The following STPG2 variants were observed in gnomAD, a reference collection of about 807,000 sequenced individuals.
STPG2 encodes sperm tail PG-rich repeat containing 2, also known as sperm-tail PG-rich repeat-containing protein 2.
STPG2 carries 56 observed loss-of-function variants against 54.2 expected under a neutral mutation model. The observed-to-expected ratio is 1.03, with a 90% CI of 0.83 to 1.29. The LOEUF (loss-of-function observed/expected upper bound fraction) is 1.29. Ranked by LOEUF, STPG2 falls within the 50% of genes most tolerant of loss-of-function variation. The probability of loss-of-function intolerance (pLI) is 0.00; values close to 1 mark genes in which losing one functional copy is unlikely to be tolerated. For synonymous variants in STPG2, 200 were observed against 181.8 expected (o/e 1.10, Z -0.81); for missense variants, 596 against 544.9 (o/e 1.09, Z -0.93).
intron 2 of STPG2, among the ~76,000 whole-genome samples, chr4:98,129,559 A>G (rs1739926726): frequency 6.6e-6 from 1 of 152,160 alleles, no homozygotes; most frequent in South Asian, 2.1e-4. Flanking sequence ...AAATTAACAG[A>G]AAATTAATGT....
chr4:97,798,636 G>T lies in STPG2; in HGVS notation c.1204+42137C>A, dbSNP rs1727282775. ...TCAATTTTGGAATAAGTGTGATGTG[G>T]TGCTGAGAAGAATGTATATTCTGTT... On this transcript the variant is annotated intron_variant, in intron 9 of 10. Coordinates refer to ENST00000295268, the MANE Select transcript of STPG2 (RefSeq NM_174952.3). Among the ~76,000 whole-genome samples the T allele has an allele frequency of 1.1e-4, 16 of 139,292 alleles. No individual in the cohort carries two copies. In the South Asian group the frequency reaches 4.1e-3, roughly 36 times the overall value. The allele number at this position is 139,292 out of a possible 152,430, so 91.4% of individuals were successfully genotyped here.
intron 8 of STPG2, chr4:97,893,231 G>A (rs550064432): frequency 6.6e-6 from 1 of 152,002 alleles, no homozygotes; most frequent in Non-Finnish European, 1.5e-5. Context: ...AGGAGGATGA[G>A]TGGGATTATA....
chr4:98,089,649 A>G (rs928790620), intron 5 of STPG2, among the ~76,000 whole-genome samples: 1 of 151,238 alleles, frequency 6.6e-6, no homozygotes, highest in African/African-American at 2.4e-5. Flanking sequence ...CAATGGTTGT[A>G]CTAATTTACA....
At chr4:97,733,442 G>A (rs1430830332) in intron 9 of STPG2, among the ~76,000 whole-genome samples, 1 of 152,016 alleles carries the variant, frequency 6.6e-6, no homozygotes, top group East Asian at 1.9e-4. Flanking sequence ...GTAGAAGGGG[G>A]AGGGTGGGAG....
chr4:97,540,449 C>T (rs914805572), intron 4 of STPG2, among the ~76,000 whole-genome samples: 7 of 152,202 alleles, frequency 4.6e-5, no homozygotes, highest in Non-Finnish European at 1.0e-4. Context: ...TCTGAATAGA[C>T]CAATAACAGG....
At chr4:97,705,646 G>T (rs1462398988) in intron 10 of STPG2, among the ~76,000 whole-genome samples, 1 of 151,524 alleles carries the variant, frequency 6.6e-6, no homozygotes, top group Non-Finnish European at 1.5e-5. Flanking sequence ...TAAAGTGCTG[G>T]GATTACAGGT....
At chr4:97,953,678 A>G (rs914649694) in intron 7 of STPG2, among the ~76,000 whole-genome samples, 2 of 152,192 alleles carry the variant, frequency 1.3e-5, no homozygotes, top group African/African-American at 4.8e-5. Flanking sequence ...AGCACTGGGT[A>G]GAGTTAAGGT....
At chr4:98,005,474 G>A (rs925720344) in intron 5 of STPG2, among the ~76,000 whole-genome samples, 8 of 152,094 alleles carry the variant, frequency 5.3e-5, no homozygotes, top group Admixed American at 4.6e-4. Context: ...TCTGGATCTT[G>A]AAAAAACGTT....
intron 9 of STPG2, among the ~76,000 whole-genome samples, chr4:97,792,397 T>C (rs1261136598): frequency 2.0e-5 from 3 of 152,132 alleles, no homozygotes; most frequent in African/African-American, 4.8e-5. Context: ...ATCAGAACCA[T>C]TGGCATATAC....
At chr4:97,924,386 G>A (rs932324006) in intron 8 of STPG2, among the ~76,000 whole-genome samples, 4 of 152,300 alleles carry the variant, frequency 2.6e-5, no homozygotes, top group Non-Finnish European at 5.9e-5. Context: ...AATACAATAG[G>A]ACTTTTGTCT....
chr4:97,778,042 G>T (rs368450811), intron 9 of STPG2, among the ~76,000 whole-genome samples: 1 of 152,104 alleles, frequency 6.6e-6, no homozygotes, highest in East Asian at 1.9e-4. Context: ...GGTTCATCTC[G>T]CTGGGGTTCG....
At chr4:97,970,024 C>A (rs1487034785) in intron 7 of STPG2, among the ~76,000 whole-genome samples, 1 of 152,152 alleles carries the variant, frequency 6.6e-6, no homozygotes, top group Non-Finnish European at 1.5e-5. Flanking sequence ...AACAGACAAA[C>A]AGAGAGCCCA....
intron 9 of STPG2, among the ~76,000 whole-genome samples, chr4:97,747,124 G>T (rs1337020968): frequency 3.3e-5 from 5 of 151,336 alleles, no homozygotes; most frequent in East Asian, 1.9e-4. Flanking sequence ...ATGGAAAAGA[G>T]AGTATTTAGC....
At chr4:97,949,690 A>T (rs2149238485) in intron 7 of STPG2, among the ~76,000 whole-genome samples, 1 of 152,306 alleles carries the variant, frequency 6.6e-6, no homozygotes, top group Non-Finnish European at 1.5e-5. Flanking sequence ...TATCCTATTT[A>T]AAGAGGCTAA....
At chr4:97,906,219 C>T (rs1172309817) in intron 8 of STPG2, among the ~76,000 whole-genome samples, 1 of 152,176 alleles carries the variant, frequency 6.6e-6, no homozygotes, top group Non-Finnish European at 1.5e-5. Context: ...AAACTACTAT[C>T]AGAGAATACT....
chr4:98,033,372 C>T (rs986022663), intron 5 of STPG2, among the ~76,000 whole-genome samples: 9 of 151,704 alleles, frequency 5.9e-5, no homozygotes, highest in South Asian at 2.1e-4. Flanking sequence ...GATAAATTTC[C>T]GGACACATAC....
chr4:97,983,722 G>A (rs1291094543), intron 5 of STPG2, among the ~76,000 whole-genome samples: 1 of 152,094 alleles, frequency 6.6e-6, no homozygotes, highest in Non-Finnish European at 1.5e-5. Context: ...CAAGATCTGG[G>A]CACTTGATGT....
At chr4:97,951,938 G>A (rs1733488625) in intron 7 of STPG2, among the ~76,000 whole-genome samples, 1 of 152,110 alleles carries the variant, frequency 6.6e-6, no homozygotes, top group Admixed American at 6.6e-5. Flanking sequence ...GAAGCTCTCA[G>A]AGAAGTACAC....
intron 9 of STPG2, among the ~76,000 whole-genome samples, chr4:97,792,067 G>T (rs1468526973): frequency 1.3e-5 from 2 of 152,184 alleles, no homozygotes; most frequent in East Asian, 3.8e-4. Flanking sequence ...AAATGGAAGT[G>T]ATAATGGAAG....
Sources: gnomAD v4.1 joint callset for allele counts (sites outside exome capture counted in the v4.1 genomes callset) on GRCh38, gnomAD v4.1.1 for gene constraint, MANE v1.5 for transcripts, NCBI Gene and HGNC (gene_info 2026-07-23, HGNC 2026-07-21) for gene names.